The following UBTD2 variants were observed in gnomAD, a reference collection of about 807,000 sequenced individuals.
UBTD2 encodes the protein ubiquitin domain containing 2, also known as ubiquitin domain-containing protein 2.
UBTD2 carries 9 observed loss-of-function variants against 19.8 expected under a neutral mutation model. The observed-to-expected ratio is 0.46, with a 90% confidence interval of 0.27 to 0.79. UBTD2 has a LOEUF of 0.79. UBTD2 is among the 30% of genes least tolerant of loss of function. The pLI is 0.14. For missense variants in UBTD2, 250 were observed against 300.4 expected, an observed-to-expected ratio of 0.83 and a Z score of 1.24; for synonymous variants, 98 against 103.9, an observed-to-expected ratio of 0.94 and a Z score of 0.35.
At chr5:172,282,187 G>T (rs4467721) in intron 1 of UBTD2, among the ~76,000 whole-genome samples, 60,355 of 152,074 alleles carry the variant, frequency 0.4, 12,808 homozygotes, top group African/African-American at 0.55. Context: ...ATTAGAGGAA[G>T]ATTCATTTTG....
At chr5:172,246,086 G>A (rs1466316712) in intron 1 of UBTD2, among the ~76,000 whole-genome samples, 1 of 152,210 alleles carries the variant, frequency 6.6e-6, no homozygotes, top group Admixed American at 6.5e-5. Flanking sequence ...GAAATTATCA[G>A]ACAAAGACTT....
At chr5:172,213,784 T>TC (rs1771493455) in intron 2 of UBTD2, among the ~76,000 whole-genome samples, 2 of 151,788 alleles carry the variant, frequency 1.3e-5, no homozygotes, top group Admixed American at 6.6e-5. Context: ...GCATACCTTT[T>TC]TTTTTTCTTT....
At chr5:172,277,046 G>A (rs1304410505) in intron 1 of UBTD2, among the ~76,000 whole-genome samples, 1 of 120,810 alleles carries the variant, frequency 8.3e-6, no homozygotes, top group Non-Finnish European at 1.6e-5. Flanking sequence ...TCCACCCTGG[G>A]TGACAAAGCA....
intron 1 of UBTD2, among the ~76,000 whole-genome samples, chr5:172,249,808 G>A (rs982246433): frequency 6.6e-6 from 1 of 152,210 alleles, no homozygotes; most frequent in Admixed American, 6.5e-5. Context: ...ATAGAATTAA[G>A]GGGGAACCCA....
At chr5:172,251,632 A>G (rs1314708904) in intron 1 of UBTD2, among the ~76,000 whole-genome samples, 1 of 150,922 alleles carries the variant, frequency 6.6e-6, no homozygotes, top group Non-Finnish European at 1.5e-5. Flanking sequence ...CAATGAAAAA[A>G]AAAAAAAAAT....
Position 172,212,106 on chromosome 5 carries a change from C to T in UBTD2, c.429G>A (p.Glu143=). 1.9e-6 allele frequency: 3 copies of T among 1,614,206 alleles called. No individual in the cohort carries two copies. Among genetic ancestry groups the T allele is most frequent in the East Asian group, 2.2e-5 (1 of 44,892 alleles). The change falls in exon 3 of 3, where the codon GAG becomes GAA. Residue 143 remains glutamate (E), a synonymous_variant. Transcript: ENST00000393792. ...KSDIETLDIP[E]PPPNSGYECQ... ...ATTCATATCCAGAATTGGGTGGTGGCTCAGGAATATCCAGAGTCTCTATGT... is the reference window on the plus strand; with the variant it reads ...ATTCATATCCAGAATTGGGTGGTGGTTCAGGAATATCCAGAGTCTCTATGT...
At chr5:172,277,415 A>G (rs1255970687) in intron 1 of UBTD2, among the ~76,000 whole-genome samples, 1 of 152,190 alleles carries the variant, frequency 6.6e-6, no homozygotes, top group East Asian at 1.9e-4. Context: ...CATTAAAATT[A>G]CAAACTTTAG....
At chr5:172,227,559 A>G (rs893513728) in intron 2 of UBTD2, among the ~76,000 whole-genome samples, 3 of 147,944 alleles carry the variant, frequency 2.0e-5, no homozygotes, top group Non-Finnish European at 4.5e-5. Context: ...TTTTTTTTGT[A>G]TTTTTATTAA....
At chr5:172,235,893 C>T (rs918949721) in intron 1 of UBTD2, among the ~76,000 whole-genome samples, 3 of 152,022 alleles carry the variant, frequency 2.0e-5, no homozygotes, top group Non-Finnish European at 2.9e-5. Context: ...AATGACACAG[C>T]GAGTGGGAAG....
At chr5:172,228,032 T>C (rs1262138549) in intron 2 of UBTD2, among the ~76,000 whole-genome samples, 1 of 152,174 alleles carries the variant, frequency 6.6e-6, no homozygotes, top group Non-Finnish European at 1.5e-5. Context: ...ATGGCCTGCT[T>C]CTTAATGGGC....
intron 1 of UBTD2, among the ~76,000 whole-genome samples, chr5:172,249,531 C>A (rs940293159): frequency 6.6e-6 from 1 of 151,812 alleles, no homozygotes; most frequent in East Asian, 1.9e-4. Context: ...ACAAAGACAC[C>A]GCAAGAAAAC....
At chr5:172,254,100 CT>C (rs959714140) in intron 1 of UBTD2, among the ~76,000 whole-genome samples, 2 of 151,802 alleles carry the variant, frequency 1.3e-5, no homozygotes, top group African/African-American at 4.8e-5. Context: ...ACTAGCATTC[CT>C]TTTTTCTTTT....
rs1334975068 is a variant in UBTD2, at chr5:172,270,576, A to T, written c.70+13020T>A. On this transcript the variant is annotated intron_variant, in intron 1 of 2. Coordinates refer to ENST00000393792, the MANE Select transcript of UBTD2 (RefSeq NM_152277.3). ...TTTCAATGTTGGCTGGGATGGTCTC[A>T]ATCTCCTGACCTCGTGATCTGCCTA... is the stretch of plus-strand genomic sequence containing the variant. Among the ~76,000 whole-genome samples the T allele has an allele frequency of 2.6e-5, 4 of 151,958 alleles. No homozygotes were observed. In the East Asian group the frequency reaches 7.7e-4, roughly 29 times the overall value.
rs562343287 is a variant in UBTD2 at position 172,230,545 on chromosome 5, G to A, written c.307+3577C>T. 5.9e-5 allele frequency among the ~76,000 whole-genome samples: 9 copies of A among 152,070 alleles called. No homozygotes were observed. In the South Asian group the frequency reaches 1.0e-3, roughly 18 times the overall value. On this transcript the variant is annotated intron_variant, in intron 2 of 2. Transcript: ENST00000393792. The stretch of plus-strand genomic sequence containing the variant: ...CATAACCATCCCAAGAGGTAAGACA[G>A]TTATTATCCATATTTTACATATGAG...
chr5:172,276,906 CTAAACATACAAAAA>C (rs1755614385), intron 1 of UBTD2, among the ~76,000 whole-genome samples: 1 of 151,678 alleles, frequency 6.6e-6, no homozygotes, highest in Non-Finnish European at 1.5e-5. Flanking sequence ...CCCGTCTCTA[CTAAACATACAAAAA>C]TTAGCCGGTG....
intron 2 of UBTD2, among the ~76,000 whole-genome samples, chr5:172,223,627 G>C (rs1473930740): frequency 7.1e-6 from 1 of 140,406 alleles, no homozygotes; most frequent in Non-Finnish European, 1.5e-5. Flanking sequence ...AGCACACTTA[G>C]GAGTGTTTAC....
intron 1 of UBTD2, among the ~76,000 whole-genome samples, chr5:172,282,487 T>C (rs1380200064): frequency 6.6e-6 from 1 of 152,224 alleles, no homozygotes; most frequent in Admixed American, 6.5e-5. Context: ...ACATGGTTTG[T>C]GAAGAGAGCT....
rs1214595910 is a variant in UBTD2, at chr5:172,283,576, GC to G, written c.70+19del. The G allele has an allele frequency of 9.3e-6, 12 of 1,296,362 alleles. No individual in the cohort carries two copies. Among genetic ancestry groups the G allele is most frequent in the Admixed American group, 3.7e-5 (1 of 27,134 alleles). The allele number at this position is 1,296,362 out of a possible 1,614,324, so 80.3% of individuals were successfully genotyped here. On this transcript the variant is annotated intron_variant, in intron 1 of 2. Transcript: ENST00000393792. The surrounding 1 kb of genome is among the most constrained non-coding windows in gnomAD (Gnocchi z 4.3). ...CCGGGAACAATGGGGGGCCGAGGCT[GC>G]CCCCTGGCGCTCACCTACCTCCGGT...
intron 1 of UBTD2, among the ~76,000 whole-genome samples, chr5:172,277,985 A>T (rs1755641672): frequency 6.6e-6 from 1 of 152,186 alleles, no homozygotes; most frequent in African/African-American, 2.4e-5. Flanking sequence ...AATCAAACTA[A>T]GAGATACTAC....
Sources: gnomAD v4.1 joint callset for allele counts (sites outside exome capture counted in the v4.1 genomes callset) on GRCh38, gnomAD v4.1.1 for gene constraint, Gnocchi (gnomAD v3.1) non-coding constraint, MANE v1.5 for transcripts, NCBI Gene and HGNC (gene_info 2026-07-23, HGNC 2026-07-21) for gene names.